The following ZW10 variants were observed in gnomAD, a reference collection of about 807,000 sequenced individuals.
ZW10 encodes the protein centromere/kinetochore protein zw10 homolog.
ZW10 carries 53 observed loss-of-function variants against 87.8 expected under a neutral mutation model. The observed-to-expected ratio is 0.60, with a 90% CI of 0.48 to 0.76. The LOEUF (loss-of-function observed/expected upper bound fraction) is 0.76, where lower values mean the gene tolerates loss of function less well. ZW10 is among the 30% of genes least tolerant of loss of function. ZW10 has a pLI of 0.00. For missense variants in ZW10, 837 were observed against 923.0 expected (o/e 0.91, Z 1.21); for synonymous variants, 312 against 329.2 (o/e 0.95, Z 0.57).
intron 10 of ZW10, among the ~76,000 whole-genome samples, chr11:113,742,170 G>C (rs1194783026): frequency 6.6e-6 from 1 of 152,204 alleles, no homozygotes; most frequent in African/African-American, 2.4e-5. Flanking sequence ...GGTTCTTTTA[G>C]AATCAGTCTG....
intron 5 of ZW10, among the ~76,000 whole-genome samples, chr11:113,759,820 T>C (rs1364156494): frequency 6.6e-6 from 1 of 152,154 alleles, no homozygotes; most frequent in South Asian, 2.1e-4. Flanking sequence ...GAGAGCTCCT[T>C]TACACTTTCT....
chr11:113,739,186 C>G (rs770874778), intron 12 of ZW10, 27 bp downstream of exon 12: 10 of 1,611,692 alleles, frequency 6.2e-6, no homozygotes, highest in Non-Finnish European at 8.5e-6. Context: ...AATCCATATG[C>G]TTTCCTACAT....
chr11:113,760,979 T>G (rs192371167), intron 2 of ZW10, 61 bp from the exon 3 acceptor site: 4 of 1,340,738 alleles, frequency 3.0e-6, no homozygotes, highest in East Asian at 2.3e-5. Flanking sequence ...AATAAAAAAT[T>G]TAAAGCAAAT....
intron 7 of ZW10, among the ~76,000 whole-genome samples, chr11:113,751,866 T>C (rs1012976885): frequency 6.7e-6 from 1 of 149,726 alleles, no homozygotes. Context: ...CGAGACTCCA[T>C]CTCAAAAAAA....
chr11:113,770,488 G>A (rs908223165), intron 1 of ZW10: 1 of 150,554 alleles, frequency 6.6e-6, no homozygotes, highest in Non-Finnish European at 1.5e-5. Flanking sequence ...CATATGGCTT[G>A]TCAGAGCTCA....
chr11:113,766,479 G>A (rs1310293897), intron 2 of ZW10, among the ~76,000 whole-genome samples: 2 of 150,262 alleles, frequency 1.3e-5, no homozygotes, highest in Non-Finnish European at 3.0e-5. Flanking sequence ...GACCATCCTG[G>A]CTAACATGGT....
At chr11:113,763,363 T>A (rs1290345796) in intron 2 of ZW10, among the ~76,000 whole-genome samples, 18 of 152,188 alleles carry the variant, frequency 1.2e-4, no homozygotes, top group African/African-American at 4.3e-4. Flanking sequence ...ATCATTTATA[T>A]TCCCTTGGGT....
Position 113,733,546 on chromosome 11 carries a change from G to T in ZW10, c.*148C>A. The T allele has an allele frequency of 2.0e-6, 2 of 983,686 alleles. No individual in the cohort carries two copies. Among genetic ancestry groups the T allele is most frequent in the Non-Finnish European group, 1.5e-6 (1 of 648,618 alleles). The allele number at this position is 983,686 out of a possible 1,614,324, so 60.9% of individuals were successfully genotyped here. ...TTAAACAAAGCCTCGTACAGGCCAGGAGGTAAGACGTTCTTCTGTAAAGTC... is the reference window on the plus strand; with the variant it reads ...TTAAACAAAGCCTCGTACAGGCCAGTAGGTAAGACGTTCTTCTGTAAAGTC... On this transcript the variant is annotated 3_prime_UTR_variant, in exon 16 of 16. Transcript: ENST00000200135.
At position 113,739,248 on chromosome 11, in the gene ZW10, G is replaced by A. The variant is rs7938417; in HGVS notation, c.1718C>T (p.Thr573Ile). 851 of 1,613,920 alleles carry A rather than the reference G, an allele frequency of 5.3e-4. 9 individuals carry two copies. In the African/African-American group the frequency reaches 0.011, roughly 20 times the overall value. Residue 573 changes from threonine to isoleucine, a missense_variant, in exon 12 of 16, where the codon ACT (threonine) becomes ATT (isoleucine). By Grantham distance (89) the Thr-to-Ile change is moderately conservative. Coordinates refer to ENST00000200135, the MANE Select transcript of ZW10 (RefSeq NM_004724.4). Reference protein sequence around the residue: ...LAPILCDGTATFVDLVPGFRR... With the variant: ...LAPILCDGTAIFVDLVPGFRR... Reference sequence around the variant, plus strand: ...GAAGCCAGGTACAAGATCCACAAAAGTAGCAGTGCCATCACAAAGAATGGG... The same window carrying A: ...GAAGCCAGGTACAAGATCCACAAAAATAGCAGTGCCATCACAAAGAATGGG...
chr11:113,753,349 T>C (rs1023711247), intron 7 of ZW10, among the ~76,000 whole-genome samples: 2 of 152,214 alleles, frequency 1.3e-5, no homozygotes, highest in African/African-American at 4.8e-5. Context: ...AGTGTATTAG[T>C]GAACACATGG....
intron 2 of ZW10, among the ~76,000 whole-genome samples, chr11:113,768,607 C>T (rs915283991): frequency 3.3e-5 from 5 of 152,196 alleles, no homozygotes; most frequent in Admixed American, 2.6e-4. Context: ...CATGATGCAC[C>T]GGGCCTGGTC....
At chr11:113,736,475 T>A (rs1307997749) in intron 15 of ZW10, 145 bp downstream of exon 15, 5 of 745,284 alleles carry the variant, frequency 6.7e-6, no homozygotes, top group Non-Finnish European at 1.1e-5. Context: ...TGATAGATCA[T>A]GAAAAGGCCC....
intron 2 of ZW10, among the ~76,000 whole-genome samples, chr11:113,764,032 T>C (rs1272900111): frequency 6.6e-6 from 1 of 152,222 alleles, no homozygotes; most frequent in African/African-American, 2.4e-5. Context: ...GAGTTAATTT[T>C]TGTGTAAGGT....
chr11:113,759,516 T>C (rs1953834538), intron 5 of ZW10, among the ~76,000 whole-genome samples: 1 of 152,076 alleles, frequency 6.6e-6, no homozygotes, highest in Non-Finnish European at 1.5e-5. Flanking sequence ...CAAAATCCAG[T>C]GTTGGAAAAT....
intron 1 of ZW10, among the ~76,000 whole-genome samples, chr11:113,772,650 C>T (rs1289890537): frequency 6.6e-6 from 1 of 152,072 alleles, no homozygotes; most frequent in Admixed American, 6.6e-5. Context: ...CTCAGCACAG[C>T]TTCATGTGCT....
At position 113,773,583 on chromosome 11, in the gene ZW10, G is replaced by A; in HGVS notation, c.84C>T (p.Thr28=). Reference sequence around the variant, plus strand: ...TCACCTTGATCTCCTCCACCCGCCGGGTCAGGCGGCTGATCCGGGTCCCCA... The same window carrying A: ...TCACCTTGATCTCCTCCACCCGCCGAGTCAGGCGGCTGATCCGGGTCCCCA... ...EDLGTRISRL[T]RRVEEIKGEV... Residue 28 remains threonine, a synonymous_variant, in exon 1 of 16, where the codon ACC becomes ACT. Coordinates refer to ENST00000200135, the MANE Select transcript of ZW10 (RefSeq NM_004724.4). The A allele has an allele frequency of 1.2e-6, 2 of 1,613,728 alleles. No homozygotes were observed. Among genetic ancestry groups the A allele is most frequent in the Non-Finnish European group, 1.7e-6 (2 of 1,179,968 alleles).
At chr11:113,767,894 C>T (rs1411201268) in intron 2 of ZW10, among the ~76,000 whole-genome samples, 1 of 152,188 alleles carries the variant, frequency 6.6e-6, no homozygotes, top group Non-Finnish European at 1.5e-5. Flanking sequence ...CTACCTAAAA[C>T]TTATGGCTAC....
intron 7 of ZW10, 116 bp downstream of exon 7, chr11:113,757,546 T>A: frequency 1.2e-6 from 1 of 853,776 alleles, no homozygotes; most frequent in Non-Finnish European, 1.6e-6. Context: ...ACAATTTACT[T>A]ACTTTTCATC....
chr11:113,741,720 G>A lies in ZW10; in HGVS notation c.1557C>T (p.Phe519=), dbSNP rs1225104848. 1 of 1,607,290 alleles carries A rather than the reference G, an allele frequency of 6.2e-7. No homozygotes were observed. Among genetic ancestry groups the A allele is most frequent in the African/African-American group, 1.3e-5 (1 of 74,802 alleles). Residue 519 remains phenylalanine (F), a synonymous_variant, in exon 11 of 16, where the codon TTC becomes TTT. Coordinates refer to ENST00000200135, the MANE Select transcript of ZW10 (RefSeq NM_004724.4). ...TGTGATATGTTGGTACAACATCATG[G>A]AACAAATGGAAGATATTCCTCACTG... ...FYSVRNIFHL[F]HDVVPTYHKE...
Sources: gnomAD v4.1 joint callset for allele counts (sites outside exome capture counted in the v4.1 genomes callset) on GRCh38, gnomAD v4.1.1 for gene constraint, MANE v1.5 for transcripts, NCBI Gene and HGNC (gene_info 2026-07-23, HGNC 2026-07-21) for gene names.